WDR7: variants seen among roughly 807,000 people sequenced by gnomAD.
The protein encoded by WDR7 is WD repeat domain 7, also known as WD repeat-containing protein 7.
In WDR7, 46 loss-of-function variants were observed where a neutral mutation model predicts 169.4. The ratio of observed to expected loss-of-function variants is 0.27; its 90% CI spans 0.21 to 0.35. The LOEUF (loss-of-function observed/expected upper bound fraction) is 0.35. Ranked by LOEUF, WDR7 falls within the 10% of genes least tolerant of loss-of-function variation. The pLI is 1.00. For synonymous variants in WDR7, 612 were observed against 666.8 expected, an observed-to-expected ratio of 0.92 and a Z score of 1.27; for missense variants, 1,534 against 1,859.3, an observed-to-expected ratio of 0.83 and a Z score of 3.22.
chr18:56,702,069 G>A (rs1485520062), intron 12 of WDR7, among the ~76,000 whole-genome samples: 1 of 152,208 alleles, frequency 6.6e-6, no homozygotes, highest in Non-Finnish European at 1.5e-5. Context: ...GGGAGGCCAA[G>A]AGTGTACCAG....
intron 1 of WDR7, among the ~76,000 whole-genome samples, chr18:56,660,584 T>C (rs1290660782): frequency 6.0e-5 from 9 of 150,580 alleles, no homozygotes; most frequent in Admixed American, 5.9e-4. Context: ...CTTGATGAGA[T>C]CATTGAGGGA....
rs1230529067 is a variant in WDR7, at chr18:56,691,246, T to G, written c.748T>G (p.Cys250Gly). The G allele has an allele frequency of 6.2e-7, 1 of 1,609,854 alleles. No individual in the cohort carries two copies. Among genetic ancestry groups the G allele is most frequent in the Admixed American group, 1.7e-5 (1 of 58,704 alleles). ...VFDAGDYSLLCSGPSENGQTW... is the reference protein window; with the variant it reads ...VFDAGDYSLLGSGPSENGQTW... ...CGATGCCGGAGACTATTCCTTGTTG[T>G]GTTCAGGTCCTAGTGAAAATGGACA... Residue 250 changes from cysteine (C) to glycine (G), a missense_variant, in exon 8 of 28, where the codon TGT (cysteine) becomes GGT (glycine). Transcript: ENST00000254442.
At chr18:56,691,636 C>A in intron 8 of WDR7, 79 bp from the exon 9 acceptor site, 1 of 1,248,066 alleles carries the variant, frequency 8.0e-7, no homozygotes, top group Non-Finnish European at 1.1e-6. Flanking sequence ...TGTCCAATAC[C>A]AACAAACCTT....
At chr18:56,786,003 A>T (rs1306537859) in intron 19 of WDR7, among the ~76,000 whole-genome samples, 1 of 152,030 alleles carries the variant, frequency 6.6e-6, no homozygotes, top group Non-Finnish European at 1.5e-5. Context: ...AACTCTTTGT[A>T]ACGCTTTTAA....
chr18:56,840,374 G>A (rs949390344), intron 20 of WDR7, among the ~76,000 whole-genome samples: 3 of 152,010 alleles, frequency 2.0e-5, no homozygotes, highest in African/African-American at 7.2e-5. Flanking sequence ...AAAAATCAGA[G>A]GCACTGATAA....
At chr18:56,691,136 T>A (rs1463802137) in intron 7 of WDR7, 80 bp from the exon 8 acceptor site, 1 of 1,529,394 alleles carries the variant, frequency 6.5e-7, no homozygotes, top group Non-Finnish European at 8.7e-7. Flanking sequence ...TCCAGGCTTT[T>A]TTTTTAAACT....
In WDR7 at chr18:56,712,945, G is replaced by A. The variant is rs137932959; in HGVS notation, c.1579-5019G>A. 1.9e-3 allele frequency among the ~76,000 whole-genome samples: 292 copies of A among 152,252 alleles called. 2 individuals carry two copies. Among genetic ancestry groups the A allele is most frequent in the Non-Finnish European group, 2.9e-3 (195 of 68,014 alleles). The stretch of plus-strand genomic sequence containing the variant: ...GGCCTCACCTGTTTTGCATACCAGA[G>A]GGACACGCATCATCTCAGGCAAGAG... On this transcript the variant is annotated intron_variant, in intron 12 of 27. Coordinates refer to ENST00000254442, the MANE Select transcript of WDR7 (RefSeq NM_015285.3).
chr18:56,886,259 A>G (rs952186185), intron 21 of WDR7, among the ~76,000 whole-genome samples: 1 of 152,196 alleles, frequency 6.6e-6, no homozygotes, highest in African/African-American at 2.4e-5. Flanking sequence ...AGGAAAACCT[A>G]TCAGATTAAC....
chr18:56,677,579 G>T (rs545796987), intron 2 of WDR7, among the ~76,000 whole-genome samples: 74 of 152,138 alleles, frequency 4.9e-4, no homozygotes, highest in African/African-American at 1.6e-3. Flanking sequence ...CAAACTCCTG[G>T]CCTCAAGTGA....
At chr18:56,959,520 C>A (rs1370480998) in intron 25 of WDR7, among the ~76,000 whole-genome samples, 1 of 152,104 alleles carries the variant, frequency 6.6e-6, no homozygotes, top group Non-Finnish European at 1.5e-5. Context: ...AACTGTTGTT[C>A]AAACATGAAT....
At chr18:57,026,917 A>G in intron 27 of WDR7, 87 bp from the exon 28 acceptor site, 1 of 1,343,032 alleles carries the variant, frequency 7.4e-7, no homozygotes. Context: ...TGGAGGGGAA[A>G]GTAGCCAGGA....
chr18:56,830,442 A>C (rs1318929601), intron 20 of WDR7, among the ~76,000 whole-genome samples: 1 of 152,190 alleles, frequency 6.6e-6, no homozygotes, highest in African/African-American at 2.4e-5. Context: ...TGATGAATTT[A>C]TCAATTGACT....
chr18:56,955,219 A>G (rs1177420904), intron 25 of WDR7, among the ~76,000 whole-genome samples: 1 of 152,154 alleles, frequency 6.6e-6, no homozygotes, highest in Non-Finnish European at 1.5e-5. Flanking sequence ...TATATTCACA[A>G]GTAGAACTCC....
chr18:56,673,436 C>A (rs1054239469), intron 2 of WDR7, among the ~76,000 whole-genome samples: 4 of 152,144 alleles, frequency 2.6e-5, no homozygotes, highest in Non-Finnish European at 4.4e-5. Flanking sequence ...GTTTCAAATG[C>A]ACGTTTTGAC....
At chr18:57,000,399 A>AT (rs1377327936) in intron 26 of WDR7, among the ~76,000 whole-genome samples, 1 of 151,830 alleles carries the variant, frequency 6.6e-6, no homozygotes, top group Admixed American at 6.6e-5. Context: ...AAAAATATTG[A>AT]TTTTTTTCTG....
At position 56,686,863 on chromosome 18, in the gene WDR7, G is replaced by A. The variant is rs1236898482; in HGVS notation, c.606G>A (p.Glu202=). The change falls in exon 7 of 28, where the codon GAG becomes GAA. Residue 202 remains glutamate, a synonymous_variant. Transcript: ENST00000254442. ...CAAATCTTTCTTTTCAGGATACTGAGCCAATATTTGAGGAGGAATCCAAAC... is the reference window on the plus strand; with the variant it reads ...CAAATCTTTCTTTTCAGGATACTGAACCAATATTTGAGGAGGAATCCAAAC... ...TSEISDMQDT[E]PIFEEESKPI... 5.6e-6 allele frequency: 9 copies of A among 1,598,756 alleles called. No individual in the cohort carries two copies. In the African/African-American group the frequency reaches 6.7e-5, roughly 12 times the overall value.
intron 13 of WDR7, among the ~76,000 whole-genome samples, chr18:56,727,346 T>C (rs2026481639): frequency 6.6e-6 from 1 of 152,150 alleles, no homozygotes; most frequent in African/African-American, 2.4e-5. Flanking sequence ...GGAATGGATT[T>C]TTTTTTTCTA....
At chr18:56,716,350 C>T (rs896248319) in intron 12 of WDR7, among the ~76,000 whole-genome samples, 3 of 151,740 alleles carry the variant, frequency 2.0e-5, no homozygotes, top group African/African-American at 7.3e-5. Context: ...TAACTTGTAA[C>T]ATGAGTAAAC....
At chr18:56,678,471 T>C (rs1273709988) in intron 2 of WDR7, among the ~76,000 whole-genome samples, 1 of 49,740 alleles carries the variant, frequency 2.0e-5, no homozygotes, top group Non-Finnish European at 4.3e-5. Flanking sequence ...AAGCTGTATC[T>C]GCTTTAGGGG....
Sources: allele counts gnomAD v4.1 joint callset (sites outside exome capture counted in the v4.1 genomes callset), GRCh38; gene constraint gnomAD v4.1.1; transcripts MANE v1.5; gene names NCBI Gene and HGNC (gene_info 2026-07-23, HGNC 2026-07-21).